Variants in AGBL4 observed in about 807,000 individuals in gnomAD.
The protein encoded by AGBL4 is AGBL carboxypeptidase 4.
Under a neutral mutation model 66.4 loss-of-function variants are expected in AGBL4, and 58 were observed. The ratio of observed to expected loss-of-function variants is 0.87; its 90% confidence interval spans 0.71 to 1.09. The LOEUF is 1.09. Ranked by LOEUF, AGBL4 falls within the 50% of genes least tolerant of loss-of-function variation. The pLI, the probability that AGBL4 is intolerant of heterozygous loss-of-function variation, is 0.00. For synonymous variants in AGBL4, 234 were observed against 222.9 expected, an observed-to-expected ratio of 1.05 and a Z score of -0.44; for missense variants, 579 against 631.0, an observed-to-expected ratio of 0.92 and a Z score of 0.88.
intron 3 of AGBL4, among the ~76,000 whole-genome samples, chr1:49,690,063 C>G (rs552011163): frequency 6.6e-6 from 1 of 152,188 alleles, no homozygotes; most frequent in Non-Finnish European, 1.5e-5. Flanking sequence ...CAGCCATGAA[C>G]ATCAAGGCAA....
intron 5 of AGBL4, among the ~76,000 whole-genome samples, chr1:48,881,352 C>T (rs1252998786): frequency 6.6e-6 from 1 of 152,022 alleles, no homozygotes; most frequent in Non-Finnish European, 1.5e-5. Context: ...TGAAGTTTTT[C>T]ATTATCTTGT....
At chr1:49,134,459 G>A (rs1645965201) in intron 4 of AGBL4, among the ~76,000 whole-genome samples, 1 of 144,720 alleles carries the variant, frequency 6.9e-6, no homozygotes, top group Non-Finnish European at 1.5e-5. Flanking sequence ...CACTCCCAGA[G>A]CAGCCATTTT....
At chr1:48,899,108 C>CA (rs1651833695) in intron 5 of AGBL4, among the ~76,000 whole-genome samples, 1 of 152,350 alleles carries the variant, frequency 6.6e-6, no homozygotes, top group African/African-American at 2.4e-5. Context: ...TGGCCTTCCG[C>CA]ACCGTCGTGA....
chr1:49,993,551 T>A (rs2148406768), intron 1 of AGBL4, among the ~76,000 whole-genome samples: 1 of 152,272 alleles, frequency 6.6e-6, no homozygotes, highest in Middle Eastern at 3.4e-3. Context: ...ACAATAGACA[T>A]CCCTGTGACA....
At chr1:49,300,637 C>T (rs1644728092) in intron 3 of AGBL4, among the ~76,000 whole-genome samples, 1 of 152,114 alleles carries the variant, frequency 6.6e-6, no homozygotes, top group Admixed American at 6.5e-5. Context: ...CTTCTGAACC[C>T]CCTTGAATGG....
chr1:48,631,925 G>A (rs1251838968), intron 9 of AGBL4, among the ~76,000 whole-genome samples: 1 of 151,990 alleles, frequency 6.6e-6, no homozygotes, highest in African/African-American at 2.4e-5. Flanking sequence ...TTTTGTTCTT[G>A]GTAACCCCTG....
intron 3 of AGBL4, among the ~76,000 whole-genome samples, chr1:49,535,295 A>C (rs1350406337): frequency 2.0e-5 from 3 of 149,762 alleles, no homozygotes; most frequent in African/African-American, 4.9e-5. Flanking sequence ...TTACAAACCT[A>C]TCTCATTCTA....
At chr1:49,891,737 TAAGACAAGAACATAGAATATGAAGA>T (rs1410167867) in intron 1 of AGBL4, among the ~76,000 whole-genome samples, 6 of 152,150 alleles carry the variant, frequency 3.9e-5, no homozygotes, top group Non-Finnish European at 8.8e-5. Context: ...ACAGAATTGA[TAAGACAAGAACATAGAATATGAAGA>T]GGAGTTAACA....
chr1:49,832,682 T>G (rs922752000), intron 2 of AGBL4, among the ~76,000 whole-genome samples: 6 of 151,706 alleles, frequency 4.0e-5, no homozygotes, highest in African/African-American at 7.2e-5. Flanking sequence ...TTTTAATGAT[T>G]GCCATTCTAA....
At chr1:48,704,693 C>T (rs1646854758) in intron 6 of AGBL4, among the ~76,000 whole-genome samples, 2 of 152,158 alleles carry the variant, frequency 1.3e-5, no homozygotes, top group Admixed American at 1.3e-4. Context: ...ACGGGAAGGT[C>T]TTCAGGGGCA....
chr1:49,708,158 G>A (rs1053305744), intron 2 of AGBL4, among the ~76,000 whole-genome samples: 1 of 152,002 alleles, frequency 6.6e-6, no homozygotes, highest in African/African-American at 2.4e-5. Context: ...TTCCAACTTG[G>A]TTCCATTCTC....
chr1:49,921,732 A>T (rs6588369), intron 1 of AGBL4, among the ~76,000 whole-genome samples: 17 of 152,024 alleles, frequency 1.1e-4, no homozygotes, highest in South Asian at 2.1e-4. Flanking sequence ...GAGAAAAAGA[A>T]GGAAGCATCC....
At chr1:48,634,467 G>T (rs1227417257) in intron 9 of AGBL4, 26 bp downstream of exon 9, 5 of 1,532,108 alleles carry the variant, frequency 3.3e-6, no homozygotes. Context: ...TAGATCAGCA[G>T]CTGTGGAGGG....
intron 11 of AGBL4, chr1:48,584,064 C>G (rs1644780578): frequency 6.6e-6 from 1 of 152,182 alleles, no homozygotes; most frequent in Non-Finnish European, 1.5e-5. Context: ...TCACGAGCTC[C>G]CATTCCCTGT....
intron 2 of AGBL4, among the ~76,000 whole-genome samples, chr1:49,706,139 G>C (rs1647212068): frequency 6.6e-6 from 1 of 152,138 alleles, no homozygotes; most frequent in South Asian, 2.1e-4. Context: ...GTTCCTCTTT[G>C]TACTTCTGGT....
intron 6 of AGBL4, among the ~76,000 whole-genome samples, chr1:48,842,416 C>T (rs12239493): frequency 0.82 from 124,470 of 152,180 alleles, 53,695 homozygotes; most frequent in Non-Finnish European, 0.96. Context: ...ACTTTCCATT[C>T]GAGTTTCTTA....
intron 2 of AGBL4, among the ~76,000 whole-genome samples, chr1:49,793,133 T>C (rs1487911739): frequency 1.3e-5 from 2 of 152,066 alleles, no homozygotes; most frequent in East Asian, 1.9e-4. Context: ...AATATTTTTA[T>C]GGACTATCTC....
At chr1:49,866,681 T>G (rs1285704375) in intron 1 of AGBL4, among the ~76,000 whole-genome samples, 1 of 152,132 alleles carries the variant, frequency 6.6e-6, no homozygotes, top group Non-Finnish European at 1.5e-5. Context: ...GGAGAATCAT[T>G]TGAACCCTGA....
At chr1:49,673,525 A>G (rs1462290719) in intron 3 of AGBL4, among the ~76,000 whole-genome samples, 2 of 152,202 alleles carry the variant, frequency 1.3e-5, no homozygotes. Context: ...TGATGTGCTT[A>G]TTTTACATTG....
Sources: allele counts gnomAD v4.1 joint callset (sites outside exome capture counted in the v4.1 genomes callset), GRCh38; gene constraint gnomAD v4.1.1; transcripts MANE v1.5; gene names NCBI Gene and HGNC (gene_info 2026-07-23, HGNC 2026-07-21).